The following P2RY12 variants were observed in gnomAD, a reference collection of about 807,000 sequenced individuals.
P2RY12 encodes the protein purinergic receptor P2Y12.
A neutral mutation model predicts 4.5 loss-of-function variants in P2RY12; 3 were observed. The ratio of observed to expected loss-of-function variants is 0.67; its 90% CI spans 0.31 to 1.74. The LOEUF (loss-of-function observed/expected upper bound fraction) is 1.74. Ranked by LOEUF, P2RY12 falls within the 40% of genes most tolerant of loss-of-function variation. The pLI, the probability that P2RY12 is intolerant of heterozygous loss-of-function variation, is 0.09. For synonymous variants in P2RY12, 148 were observed against 154.1 expected (o/e 0.96, Z 0.29); for missense variants, 356 against 407.8 (o/e 0.87, Z 1.09).
chr3:151,347,146 T>C (rs1234961248), intron 1 of P2RY12, among the ~76,000 whole-genome samples: 1 of 124,276 alleles, frequency 8.0e-6, no homozygotes, highest in Non-Finnish European at 1.9e-5. Flanking sequence ...TAGTTCACCC[T>C]ACAAACTTTT....
At chr3:151,376,862 C>T (rs1756915501) in intron 1 of P2RY12, 14 of 1,613,736 alleles carry the variant, frequency 8.7e-6, no homozygotes, top group Non-Finnish European at 1.2e-5. Flanking sequence ...TCAAACAGTG[C>T]TTGAAGGACC....
intron 1 of P2RY12, among the ~76,000 whole-genome samples, chr3:151,360,033 C>A (rs1345288933): frequency 6.6e-6 from 1 of 152,142 alleles, no homozygotes; most frequent in African/African-American, 2.4e-5. Flanking sequence ...TGCTTATGCA[C>A]TTGAAAATGG....
At chr3:151,374,770 T>A (rs1210363946) in intron 1 of P2RY12, among the ~76,000 whole-genome samples, 1 of 152,186 alleles carries the variant, frequency 6.6e-6, no homozygotes, top group African/African-American at 2.4e-5. Context: ...TCCTTTCTTG[T>A]CCCCAGCTCT....
intron 1 of P2RY12, among the ~76,000 whole-genome samples, chr3:151,381,589 G>C (rs1712355175): frequency 6.6e-6 from 1 of 152,154 alleles, no homozygotes; most frequent in Non-Finnish European, 1.5e-5. Context: ...AGCATGGCCT[G>C]CTCCCTTCAT....
At chr3:151,376,679 TA>T in intron 1 of P2RY12, 1 of 810,272 alleles carries the variant, frequency 1.2e-6, no homozygotes. Context: ...TTGACTCATA[TA>T]AATTATTTCA....
chr3:151,371,835 G>A (rs995484357), intron 1 of P2RY12, among the ~76,000 whole-genome samples: 4 of 152,150 alleles, frequency 2.6e-5, no homozygotes, highest in African/African-American at 9.7e-5. Context: ...CTCATGGCTA[G>A]AGTTTTCTTA....
chr3:151,364,455 A>G (rs1755034249), intron 1 of P2RY12, among the ~76,000 whole-genome samples: 1 of 152,186 alleles, frequency 6.6e-6, no homozygotes. Flanking sequence ...ATGTAAGTTC[A>G]TTGAAGACAA....
intron 1 of P2RY12, among the ~76,000 whole-genome samples, chr3:151,368,470 T>C (rs1755556826): frequency 6.6e-6 from 1 of 152,032 alleles, no homozygotes; most frequent in South Asian, 2.1e-4. Flanking sequence ...CAAGAGTTAG[T>C]AAGCAATAAA....
intron 1 of P2RY12, chr3:151,372,548 T>A (rs551114300): frequency 4.4e-6 from 7 of 1,605,742 alleles, no homozygotes; most frequent in African/African-American, 4.0e-5. Context: ...GATTTTGCTT[T>A]TGTGATTCTA....
intron 1 of P2RY12, among the ~76,000 whole-genome samples, chr3:151,344,710 A>G (rs1010029366): frequency 6.6e-6 from 1 of 152,180 alleles, no homozygotes; most frequent in Non-Finnish European, 1.5e-5. Context: ...AATTACATCC[A>G]CTTCATCTGT....
At chr3:151,369,747 TG>T (rs1294554174) in intron 1 of P2RY12, among the ~76,000 whole-genome samples, 1 of 152,186 alleles carries the variant, frequency 6.6e-6, no homozygotes, top group Non-Finnish European at 1.5e-5. Flanking sequence ...CTAGTGTCTC[TG>T]GGGGAACTTA....
intron 2 of P2RY12, among the ~76,000 whole-genome samples, chr3:151,340,161 A>ACAAGAT (rs1440599091): frequency 1.3e-5 from 2 of 152,128 alleles, no homozygotes; most frequent in Non-Finnish European, 2.9e-5. Context: ...GTTTTCCAAT[A>ACAAGAT]CAAGATCACT....
intron 1 of P2RY12, among the ~76,000 whole-genome samples, chr3:151,363,440 T>C (rs1754876221): frequency 6.6e-6 from 1 of 152,068 alleles, no homozygotes; most frequent in South Asian, 2.1e-4. Context: ...GAGAGGAGTA[T>C]TTGGGGGAGA....
At chr3:151,376,165 G>C (rs140857403) in intron 1 of P2RY12, 1 of 1,607,284 alleles carries the variant, frequency 6.2e-7, no homozygotes, top group African/African-American at 1.3e-5. Flanking sequence ...ATTAAAGAAT[G>C]TACCGAGGGG....
intron 1 of P2RY12, among the ~76,000 whole-genome samples, chr3:151,353,799 G>A (rs1281621982): frequency 6.6e-6 from 1 of 152,112 alleles, no homozygotes; most frequent in Non-Finnish European, 1.5e-5. Flanking sequence ...TAAAGAAGAC[G>A]ACAGTGTGAG....
At chr3:151,344,299 A>T (rs1401416108) in intron 1 of P2RY12, among the ~76,000 whole-genome samples, 1 of 39,898 alleles carries the variant, frequency 2.5e-5, no homozygotes, top group African/African-American at 2.1e-4. Flanking sequence ...TATAGTTACT[A>T]ATGATTAAAA....
At chr3:151,354,956 TCTGTTACTTTGCATTC>T (rs576172265) in intron 1 of P2RY12, among the ~76,000 whole-genome samples, 177 of 152,302 alleles carry the variant, frequency 1.2e-3, no homozygotes, top group African/African-American at 4.1e-3. Context: ...GAGATTCCAT[TCTGTTACTTTGCATTC>T]AAGTCTTATT....
At chr3:151,379,218 G>A (rs192688972) in intron 1 of P2RY12, among the ~76,000 whole-genome samples, 43 of 152,308 alleles carry the variant, frequency 2.8e-4, no homozygotes, top group African/African-American at 9.6e-4. Context: ...TTGCTGATAG[G>A]TGAGTGTATG....
chr3:151,355,071 G>C (rs532506798), intron 1 of P2RY12: 15 of 1,368,992 alleles, frequency 1.1e-5, no homozygotes, highest in Non-Finnish European at 1.6e-5. Flanking sequence ...TAAAAATGTC[G>C]AGAGCTTCTA....
Sources: gnomAD v4.1 joint callset for allele counts (sites outside exome capture counted in the v4.1 genomes callset) on GRCh38, gnomAD v4.1.1 for gene constraint, MANE v1.5 for transcripts, NCBI Gene and HGNC (gene_info 2026-07-23, HGNC 2026-07-21) for gene names.